CPA6: variants seen among roughly 807,000 people sequenced by gnomAD.
CPA6 encodes carboxypeptidase B.
A neutral mutation model predicts 63.3 loss-of-function variants in CPA6; 58 were observed. The ratio of observed to expected loss-of-function variants is 0.92; its 90% CI spans 0.74 to 1.14. CPA6 has a LOEUF of 1.14. Ranked by LOEUF, CPA6 falls within the 50% of genes most tolerant of loss-of-function variation. The probability of loss-of-function intolerance (pLI) is 0.00; values close to 1 mark genes in which losing one functional copy is unlikely to be tolerated. For synonymous variants in CPA6, 185 were observed against 179.0 expected, an observed-to-expected ratio of 1.03 and a Z score of -0.27; for missense variants, 565 against 526.6, an observed-to-expected ratio of 1.07 and a Z score of -0.71.
chr8:67,536,772 C>T (rs1325669638), intron 2 of CPA6, among the ~76,000 whole-genome samples: 2 of 152,126 alleles, frequency 1.3e-5, no homozygotes, highest in South Asian at 2.1e-4. Flanking sequence ...TGTCTCATGC[C>T]GGTTTTCAAA....
At chr8:67,725,532 G>A (rs895612499) in intron 1 of CPA6, among the ~76,000 whole-genome samples, 12 of 152,022 alleles carry the variant, frequency 7.9e-5, no homozygotes, top group East Asian at 3.9e-4. Flanking sequence ...TTTACATTTC[G>A]TTTTTTTAGA....
intron 6 of CPA6, among the ~76,000 whole-genome samples, chr8:67,505,240 T>C (rs1053425056): frequency 3.3e-5 from 5 of 152,232 alleles, no homozygotes; most frequent in African/African-American, 1.2e-4. Context: ...CATTAACAAA[T>C]ATTTGAACAC....
At chr8:67,581,718 T>C (rs139590782) in intron 2 of CPA6, among the ~76,000 whole-genome samples, 1 of 152,210 alleles carries the variant, frequency 6.6e-6, no homozygotes, top group Non-Finnish European at 1.5e-5. Context: ...CTCATGTGAG[T>C]GTAAATAGGT....
At position 67,507,021 on chromosome 8, in the gene CPA6, G is replaced by T; in HGVS notation, c.535-133C>A. On this transcript the variant is annotated intron_variant, in intron 5 of 10. Transcript: ENST00000297770. ...GTAATGCATAAAAAGGACAAAGGGA[G>T]TTCCTATCTATCTCGAAAGTCCAGG... is the stretch of plus-strand genomic sequence containing the variant. 3 of 584,216 alleles carry T rather than the reference G, an allele frequency of 5.1e-6. No individual in the cohort carries two copies. The South Asian group carries it at 7.9e-5, about 15-fold the overall frequency. The allele number at this position is 584,216 out of a possible 1,614,324, so 36.2% of individuals were successfully genotyped here. A position where few individuals can be genotyped will look rare whatever the true frequency, so the allele number is the denominator to read the frequency against.
intron 2 of CPA6, among the ~76,000 whole-genome samples, chr8:67,557,139 G>A (rs144926077): frequency 6.2e-4 from 94 of 152,282 alleles, no homozygotes; most frequent in Non-Finnish European, 1.2e-3. Context: ...AAATAGAGCC[G>A]AGTGATGAGG....
At chr8:67,432,331 C>T (rs529709251) in intron 9 of CPA6, among the ~76,000 whole-genome samples, 2 of 152,210 alleles carry the variant, frequency 1.3e-5, no homozygotes, top group South Asian at 2.1e-4. Flanking sequence ...GTTTGGAGAG[C>T]GTTTGGATTA....
intron 2 of CPA6, among the ~76,000 whole-genome samples, chr8:67,527,705 C>T (rs1416151799): frequency 6.6e-6 from 1 of 152,206 alleles, no homozygotes; most frequent in Non-Finnish European, 1.5e-5. Context: ...GCCCAAGTAT[C>T]ATCATTCAGT....
At chr8:67,712,506 A>C (rs1287512346) in intron 1 of CPA6, among the ~76,000 whole-genome samples, 3 of 152,060 alleles carry the variant, frequency 2.0e-5, no homozygotes, top group African/African-American at 7.2e-5. Flanking sequence ...CAAGATAAAG[A>C]TCCACCAAAG....
intron 8 of CPA6, among the ~76,000 whole-genome samples, chr8:67,438,377 A>G (rs1810211399): frequency 6.6e-6 from 1 of 151,766 alleles, no homozygotes; most frequent in Non-Finnish European, 1.5e-5. Flanking sequence ...AAGGAACAAG[A>G]ATTCCATTCA....
At position 67,523,125 on chromosome 8, in the gene CPA6, A is replaced by G. The variant is rs528410570; in HGVS notation, c.193-5078T>C. ...TAGGCTGTTTTACTGCAGGCAATCT[A>G]CTTAGCTCTCTGCACTTCAGTTTCC... On this transcript the variant is annotated intron_variant, in intron 2 of 10. Transcript: ENST00000297770. 5.9e-5 allele frequency among the ~76,000 whole-genome samples: 9 copies of G among 152,314 alleles called. No individual in the cohort carries two copies. In the South Asian group the frequency reaches 1.5e-3, roughly 25 times the overall value.
rs1182982086 is a variant in CPA6 at position 67,518,060 on chromosome 8, A to C, written c.193-13T>G. 6.4e-7 allele frequency: 1 copy of C among 1,568,004 alleles called. No homozygotes were observed. Among genetic ancestry groups the C allele is most frequent in the East Asian group, 2.3e-5 (1 of 44,056 alleles). ...GCCACAGGTCCACCTGTAGTGCAGG[A>C]ACCAACCTATAATTCATATCCAACG... On this transcript the variant is annotated splice_polypyrimidine_tract_variant and intron_variant, in intron 2 of 10. Transcript: ENST00000297770.
intron 8 of CPA6, among the ~76,000 whole-genome samples, chr8:67,439,414 C>G (rs185914400): frequency 1.9e-4 from 29 of 152,066 alleles, no homozygotes; most frequent in Admixed American, 1.6e-3. Context: ...TGGTGAAACC[C>G]TGTTTCTACT....
intron 2 of CPA6, among the ~76,000 whole-genome samples, chr8:67,571,517 C>A (rs576100174): frequency 6.6e-6 from 1 of 151,866 alleles, no homozygotes; most frequent in Non-Finnish European, 1.5e-5. Context: ...TCAACCATAA[C>A]GGTATGAAAC....
In CPA6 at chr8:67,647,756, GCTGAAGTCTGTCAATGTAC is replaced by G. The variant is rs532752965; in HGVS notation, c.117-23524_117-23506del. ...CGGATCTTACATTACAGGAAGAAAGGCTGAAGTCTGTCAATGTACCTGGAGAGACTTTTGTCACAAACCA... is the reference window on the plus strand; with the variant it reads ...CGGATCTTACATTACAGGAAGAAAGGCTGGAGAGACTTTTGTCACAAACCA... On this transcript the variant is annotated intron_variant, in intron 1 of 10. Coordinates refer to ENST00000297770, the MANE Select transcript of CPA6 (RefSeq NM_020361.5). Among the ~76,000 whole-genome samples the G allele has an allele frequency of 1.4e-4, 21 of 152,238 alleles. 1 individual carries two copies. In the South Asian group the frequency reaches 4.4e-3, roughly 32 times the overall value.
At chr8:67,673,550 A>ATT (rs776373374) in intron 1 of CPA6, among the ~76,000 whole-genome samples, 3,798 of 138,496 alleles carry the variant, frequency 0.027, 210 homozygotes, top group African/African-American at 0.097. Flanking sequence ...CTCACGGCTA[A>ATT]TTTTTTTTTT....
At chr8:67,572,647 A>G (rs1022471348) in intron 2 of CPA6, among the ~76,000 whole-genome samples, 5 of 152,212 alleles carry the variant, frequency 3.3e-5, no homozygotes, top group African/African-American at 1.2e-4. Flanking sequence ...ATGGACTAAG[A>G]CACCCATTAA....
chr8:67,715,255 A>G (rs1442842654), intron 1 of CPA6, among the ~76,000 whole-genome samples: 1 of 152,188 alleles, frequency 6.6e-6, no homozygotes, highest in Non-Finnish European at 1.5e-5. Context: ...TCCAATGCCA[A>G]TTCTAAATTC....
intron 2 of CPA6, among the ~76,000 whole-genome samples, chr8:67,519,955 A>G (rs1248868239): frequency 6.6e-6 from 1 of 151,946 alleles, no homozygotes; most frequent in Non-Finnish European, 1.5e-5. Context: ...TTGGCGTTCT[A>G]TTCTTCAGTG....
intron 1 of CPA6, among the ~76,000 whole-genome samples, chr8:67,702,495 T>C (rs913258977): frequency 6.6e-6 from 1 of 152,016 alleles, no homozygotes; most frequent in Admixed American, 6.6e-5. Flanking sequence ...TGTAAAATAA[T>C]AATTGGTTGC....
Sources: gnomAD v4.1 joint callset for allele counts (sites outside exome capture counted in the v4.1 genomes callset) on GRCh38, gnomAD v4.1.1 for gene constraint, MANE v1.5 for transcripts, NCBI Gene and HGNC (gene_info 2026-07-23, HGNC 2026-07-21) for gene names.